Variants in SHISA6 observed in about 807,000 individuals in gnomAD.
SHISA6 encodes protein shisa-6.
A neutral mutation model predicts 47.9 loss-of-function variants in SHISA6; 22 were observed. The observed-to-expected ratio is 0.46, with a 90% CI of 0.33 to 0.66. The LOEUF is 0.66. SHISA6 is among the 30% of genes least tolerant of loss of function. The pLI is 0.02. For missense variants in SHISA6, 680 were observed against 764.6 expected (o/e 0.89, Z 1.30); for synonymous variants, 388 against 337.8 (o/e 1.15, Z -1.63).
chr17:11,507,826 C>T (rs868137852), intron 3 of SHISA6, among the ~76,000 whole-genome samples: 2 of 152,302 alleles, frequency 1.3e-5, no homozygotes, highest in Middle Eastern at 3.4e-3. Context: ...GCACTCCCTC[C>T]GATTGCATAA....
chr17:11,429,041 G>A (rs1461140305), intron 3 of SHISA6, among the ~76,000 whole-genome samples: 6 of 151,906 alleles, frequency 3.9e-5, no homozygotes, highest in African/African-American at 4.8e-5. Context: ...CGCCTGCCTC[G>A]GCCTCCCAAA....
intron 3 of SHISA6, among the ~76,000 whole-genome samples, chr17:11,495,004 G>A (rs1054771780): frequency 3.9e-5 from 6 of 152,188 alleles, no homozygotes; most frequent in African/African-American, 1.4e-4. Context: ...GGCCGACCAG[G>A]CTACATCCGC....
intron 2 of SHISA6, among the ~76,000 whole-genome samples, chr17:11,284,014 G>T (rs1017601059): frequency 6.6e-6 from 1 of 152,032 alleles, no homozygotes; most frequent in African/African-American, 2.4e-5. Context: ...ACACTTCACA[G>T]GAAAGCCTCC....
rs1264072680 is a variant in SHISA6 at position 11,557,754 on chromosome 17, C to G, written c.1106C>G (p.Thr369Ser). 3.3e-6 allele frequency: 5 copies of G among 1,536,454 alleles called. No homozygotes were observed. In the Middle Eastern group the frequency reaches 6.8e-4, roughly 208 times the overall value. Reference protein sequence around the residue: ...PSKYSSLKRLTDKEADEYYMR... With the variant: ...PSKYSSLKRLSDKEADEYYMR... ...CTCTCACTCTGTCTCTCCCCTGCAG[C>G]CGACAAGGAGGCTGACGAGTATTAC... The change falls in exon 6 of 6, where the codon ACC becomes AGC. Residue 369 changes from threonine (T) to serine (S), a missense_variant and splice_region_variant. By Grantham distance (58) the Thr-to-Ser change is moderately conservative. Coordinates refer to ENST00000441885, the MANE Select transcript of SHISA6 (RefSeq NM_207386.4).
At chr17:11,413,713 T>C (rs1914202001) in intron 3 of SHISA6, among the ~76,000 whole-genome samples, 1 of 152,132 alleles carries the variant, frequency 6.6e-6, no homozygotes. Context: ...GCCCAAGTGT[T>C]CCAGCCGTGT....
rs746771281 is a variant in SHISA6, at chr17:11,241,860, G to T, written c.438G>T (p.Gln146His). 2.9e-5 allele frequency: 45 copies of T among 1,551,190 alleles called. No individual in the cohort carries two copies. The South Asian group carries it at 5.4e-4, about 18-fold the overall frequency. Residue 146 changes from glutamine (Q) to histidine (H), a missense_variant, in exon 1 of 6, where the codon CAG becomes CAT. Gln to His is a conservative substitution (Grantham distance 24). This residue lies in a region of SHISA6 where 559 missense variants were observed against 674.1 expected (regional missense o/e 0.83). Coordinates refer to ENST00000441885, the MANE Select transcript of SHISA6 (RefSeq NM_207386.4). The surrounding 1 kb of genome is among the most constrained non-coding windows in gnomAD (Gnocchi z 5.5). ...KLDQRQCTNYQSPVWVQTPST... is the reference protein window; with the variant it reads ...KLDQRQCTNYHSPVWVQTPST... The stretch of plus-strand genomic sequence containing the variant: ...ACCAGCGCCAGTGCACCAACTACCA[G>T]AGCCCGGTGTGGGTACAGACGCCCA...
intron 2 of SHISA6, among the ~76,000 whole-genome samples, chr17:11,353,374 G>C (rs1396658471): frequency 3.3e-5 from 5 of 151,388 alleles, no homozygotes; most frequent in African/African-American, 4.9e-5. Flanking sequence ...AAAGAATCGC[G>C]TGAACCCAGG....
In SHISA6 at chr17:11,429,500, G is replaced by T. The variant is rs190987985; in HGVS notation, c.895+49991G>T. On this transcript the variant is annotated intron_variant, in intron 3 of 5. Transcript: ENST00000441885. ...TTACCCATTAAAATTCAAATATCCGGCCAGGCGCCTTGGCTCTCACCTGTA... is the reference window on the plus strand; with the variant it reads ...TTACCCATTAAAATTCAAATATCCGTCCAGGCGCCTTGGCTCTCACCTGTA... Among the ~76,000 whole-genome samples, 9 of 151,940 alleles carry T rather than the reference G, an allele frequency of 5.9e-5. No homozygotes were observed. The East Asian group carries it at 1.6e-3, about 26-fold the overall frequency.
Position 11,263,361 on chromosome 17 carries a change from T to C in SHISA6, c.639-5T>C, listed in dbSNP as rs1215627307. On this transcript the variant is annotated splice_polypyrimidine_tract_variant and splice_region_variant and intron_variant, in intron 1 of 5. Transcript: ENST00000441885. The stretch of plus-strand genomic sequence containing the variant: ...ATCTCATTATGTGATCTCCTCCTTG[T>C]TTAGGGCTCTGGCTGACATCTTAAG... The C allele has an allele frequency of 6.4e-7, 1 of 1,551,922 alleles. No individual in the cohort carries two copies. The highest frequency in any genetic ancestry group is 1.4e-5 in the African/African-American group (1 of 73,000).
chr17:11,534,486 G>T (rs1228704649), intron 3 of SHISA6, among the ~76,000 whole-genome samples: 1 of 152,070 alleles, frequency 6.6e-6, no homozygotes, highest in Non-Finnish European at 1.5e-5. Flanking sequence ...GCAAAAAGAT[G>T]AATTTTTCAT....
intron 2 of SHISA6, among the ~76,000 whole-genome samples, chr17:11,375,703 C>T (rs866141810): frequency 1.3e-5 from 2 of 152,234 alleles, no homozygotes; most frequent in African/African-American, 2.4e-5. Flanking sequence ...GACAGTTGTC[C>T]GTTGGTGCTG....
At chr17:11,533,828 G>A (rs910958840) in intron 3 of SHISA6, among the ~76,000 whole-genome samples, 1 of 151,702 alleles carries the variant, frequency 6.6e-6, no homozygotes, top group East Asian at 1.9e-4. Flanking sequence ...TACTGACCTC[G>A]TGATCCACCT....
At chr17:11,297,858 G>T (rs916951719) in intron 2 of SHISA6, among the ~76,000 whole-genome samples, 1 of 152,148 alleles carries the variant, frequency 6.6e-6, no homozygotes, top group Non-Finnish European at 1.5e-5. Flanking sequence ...TTAATTCCTT[G>T]GTGTTAGCAG....
At chr17:11,494,197 AC>A (rs2071389707) in intron 3 of SHISA6, among the ~76,000 whole-genome samples, 1 of 151,218 alleles carries the variant, frequency 6.6e-6, no homozygotes, top group African/African-American at 2.4e-5. Context: ...TTTCCTCCCC[AC>A]CCCAGCTTCC....
intron 2 of SHISA6, among the ~76,000 whole-genome samples, chr17:11,365,893 GTC>G (rs537095631): frequency 3.4e-4 from 52 of 152,330 alleles, no homozygotes; most frequent in African/African-American, 1.1e-3. Flanking sequence ...ATTAGAGAAA[GTC>G]TCTCTCAGGA....
At position 11,388,244 on chromosome 17, in the gene SHISA6, G is replaced by C. The variant is rs76962563; in HGVS notation, c.895+8735G>C. 5.6e-3 allele frequency among the ~76,000 whole-genome samples: 856 copies of C among 152,254 alleles called. 8 individuals carry two copies. The highest frequency in any genetic ancestry group is 0.02 in the African/African-American group (818 of 41,542). On this transcript the variant is annotated intron_variant, in intron 3 of 5. Coordinates refer to ENST00000441885, the MANE Select transcript of SHISA6 (RefSeq NM_207386.4). ...AGATAAAGCGCAGCACTCAGAAGGC[G>C]TCGAGTCTCCATGGCAACAGTGAGC...
chr17:11,293,084 C>T (rs1909610249), intron 2 of SHISA6, among the ~76,000 whole-genome samples: 2 of 152,110 alleles, frequency 1.3e-5, no homozygotes, highest in Non-Finnish European at 2.9e-5. Context: ...CTTGGCCTCC[C>T]AAAGTGCCAA....
intron 2 of SHISA6, among the ~76,000 whole-genome samples, chr17:11,349,624 G>A (rs964443474): frequency 8.5e-5 from 13 of 152,314 alleles, no homozygotes; most frequent in South Asian, 2.1e-4. Flanking sequence ...TGGGGGACGC[G>A]TGAATGTGTA....
intron 3 of SHISA6, among the ~76,000 whole-genome samples, chr17:11,398,499 T>C (rs1913651444): frequency 6.6e-6 from 1 of 152,220 alleles, no homozygotes; most frequent in South Asian, 2.1e-4. Flanking sequence ...GAGTTGCATG[T>C]AATCAATACT....
Sources: gnomAD v4.1 joint callset for allele counts (sites outside exome capture counted in the v4.1 genomes callset) on GRCh38, gnomAD v4.1.1 for gene constraint, gnomAD v4.1.1 regional missense constraint, Gnocchi (gnomAD v3.1) non-coding constraint, MANE v1.5 for transcripts, NCBI Gene and HGNC (gene_info 2026-07-23, HGNC 2026-07-21) for gene names.